EDN1: variants seen among roughly 807,000 people sequenced by gnomAD.
The protein encoded by EDN1 is endothelin 1, also known as endothelin-1.
EDN1 carries 11 observed loss-of-function variants against 21.7 expected under a neutral mutation model. That is an observed-to-expected ratio of 0.51 (90% CI 0.32 to 0.84). EDN1 has a LOEUF of 0.84. Among genes scored for constraint, EDN1 ranks in the 40% least tolerant of loss-of-function variants. The pLI, the probability that EDN1 is intolerant of heterozygous loss-of-function variation, is 0.03. For missense variants in EDN1, 244 were observed against 262.3 expected (o/e 0.93, Z 0.48); for synonymous variants, 85 against 90.6 (o/e 0.94, Z 0.35).
At chr6:12,287,254 G>A (rs1228225360), upstream of EDN1, among the ~76,000 whole-genome samples, 1 of 144,684 alleles carries the variant, frequency 6.9e-6, no homozygotes, top group Non-Finnish European at 1.5e-5. Flanking sequence ...GTGGCCAAAA[G>A]GAGCATTTTC....
At chr6:12,284,630 A>G in the EDN1 span, among the ~76,000 whole-genome samples, 7 of 150,756 alleles carry the variant, frequency 4.6e-5, no homozygotes, top group African/African-American at 1.7e-4. Flanking sequence ...AGAGAGAAAG[A>G]AAGGAAAGAA....
At chr6:12,245,973 T>A in the EDN1 span, among the ~76,000 whole-genome samples, 12 of 152,170 alleles carry the variant, frequency 7.9e-5, no homozygotes, top group African/African-American at 2.7e-4. Context: ...CAGTGAGTAA[T>A]TGCCATAACA....
In EDN1 at chr6:12,294,156, C is replaced by T. The variant is rs1027641839; in HGVS notation, c.389+60C>T. The T allele has an allele frequency of 5.6e-6, 9 of 1,613,392 alleles. No homozygotes were observed. In the African/African-American group the frequency reaches 8.0e-5, roughly 14 times the overall value. On this transcript the variant is annotated intron_variant, in intron 3 of 4. Coordinates refer to ENST00000379375, the MANE Select transcript of EDN1 (RefSeq NM_001955.5). ...AACAGCCTCCTGAACTCCTTCCTAT[C>T]ATGGTACTGCCTTCCTGTTTTAGAG... is the stretch of plus-strand genomic sequence containing the variant.
the EDN1 span, among the ~76,000 whole-genome samples, chr6:12,273,722 A>G: frequency 6.6e-6 from 1 of 150,736 alleles, no homozygotes; most frequent in African/African-American, 2.4e-5. Flanking sequence ...TCATCTGACC[A>G]TAGGAAAGGC....
chr6:12,241,231 T>C, the EDN1 span, among the ~76,000 whole-genome samples: 44,912 of 150,194 alleles, frequency 0.3, 8,279 homozygotes, highest in South Asian at 0.47. Flanking sequence ...AGTGGTGTGA[T>C]CTTGGCTCAC....
chr6:12,241,483 TG>T, the EDN1 span, among the ~76,000 whole-genome samples: 1 of 151,974 alleles, frequency 6.6e-6, no homozygotes, highest in African/African-American at 2.4e-5. Flanking sequence ...GAGATCTTGG[TG>T]GGAGAGATGG....
At chr6:12,237,888 C>G in the EDN1 span, among the ~76,000 whole-genome samples, 1 of 152,040 alleles carries the variant, frequency 6.6e-6, no homozygotes, top group South Asian at 2.1e-4. Flanking sequence ...AAGGAAAACC[C>G]AGCGGGCGCG....
chr6:12,251,850 C>T, the EDN1 span, among the ~76,000 whole-genome samples: 1 of 152,188 alleles, frequency 6.6e-6, no homozygotes, highest in African/African-American at 2.4e-5. Context: ...TTTCCTCCCA[C>T]CAATTACCTG....
At chr6:12,261,064 T>C in the EDN1 span, among the ~76,000 whole-genome samples, 1 of 152,218 alleles carries the variant, frequency 6.6e-6, no homozygotes, top group Non-Finnish European at 1.5e-5. Context: ...GTCATTCAGA[T>C]TTGTGTGCAA....
intron 4 of EDN1, among the ~76,000 whole-genome samples, chr6:12,294,920 C>CTTTTTT (rs61701314): frequency 0.19 from 20,452 of 106,976 alleles, 2,849 homozygotes; most frequent in South Asian, 0.31. Flanking sequence ...GGTTTATGGT[C>CTTTTTT]TTTTTTTTTT....
upstream of EDN1, among the ~76,000 whole-genome samples, chr6:12,287,692 T>TCC (rs1200524473): frequency 6.0e-5 from 4 of 66,840 alleles, no homozygotes; most frequent in African/African-American, 2.1e-4. Context: ...TCTCTCCCTC[T>TCC]CTCTCTCTCT....
At chr6:12,231,208 A>G in the EDN1 span, among the ~76,000 whole-genome samples, 10 of 152,238 alleles carry the variant, frequency 6.6e-5, no homozygotes, top group African/African-American at 2.4e-4. Flanking sequence ...ACTTTCTGCC[A>G]GGAGTGGGTG....
chr6:12,252,290 C>A, the EDN1 span, among the ~76,000 whole-genome samples: 9 of 152,096 alleles, frequency 5.9e-5, no homozygotes, highest in African/African-American at 1.7e-4. Flanking sequence ...TTGCTACTTG[C>A]AGAAACCAGC....
intron 1 of EDN1, among the ~76,000 whole-genome samples, chr6:12,291,058 G>A (rs1355674133): frequency 2.6e-5 from 4 of 152,108 alleles, no homozygotes; most frequent in Admixed American, 6.5e-5. Context: ...AGGCCATATA[G>A]GAACTTAAAT....
Position 12,290,586 on chromosome 6 carries a change from T to C in EDN1, c.-44T>C. The C allele has an allele frequency of 6.4e-7, 1 of 1,557,150 alleles. No individual in the cohort carries two copies. The highest frequency in any genetic ancestry group is 8.9e-7 in the Non-Finnish European group (1 of 1,128,330). The stretch of plus-strand genomic sequence containing the variant: ...GAAGCTGTTTTTCTTCGTTTTCCTT[T>C]GGGTTCAGTTTGAACGGGAGGTTTT... On this transcript the variant is annotated 5_prime_UTR_variant, in exon 1 of 5. Transcript: ENST00000379375.
chr6:12,265,233 G>A, the EDN1 span, among the ~76,000 whole-genome samples: 1,523 of 152,284 alleles, frequency 0.01, 21 homozygotes, highest in African/African-American at 0.033. Context: ...AGCGATATGT[G>A]CCTGATATGT....
At chr6:12,284,858 C>G in the EDN1 span, among the ~76,000 whole-genome samples, 1 of 152,102 alleles carries the variant, frequency 6.6e-6, no homozygotes, top group South Asian at 2.1e-4. Context: ...TTCCTTTTAG[C>G]ATCTCATTCA....
upstream of EDN1, among the ~76,000 whole-genome samples, chr6:12,287,987 T>C (rs1762590693): frequency 6.6e-6 from 1 of 152,122 alleles, no homozygotes; most frequent in East Asian, 1.9e-4. Flanking sequence ...GTGAGTGCTG[T>C]TGGAGGCGCT....
At chr6:12,259,340 TAGC>T in the EDN1 span, among the ~76,000 whole-genome samples, 1 of 151,518 alleles carries the variant, frequency 6.6e-6, no homozygotes, top group Admixed American at 6.6e-5. Context: ...CCTAAAATGT[TAGC>T]AGCATAGAGA....
Sources: gnomAD v4.1 joint callset for allele counts (sites outside exome capture counted in the v4.1 genomes callset) on GRCh38, gnomAD v4.1.1 for gene constraint, MANE v1.5 for transcripts, NCBI Gene and HGNC (gene_info 2026-07-23, HGNC 2026-07-21) for gene names.